POLR2F: variants seen among roughly 807,000 people sequenced by gnomAD.
POLR2F encodes DNA-directed RNA polymerases I, II, and III subunit RPABC2.
Under a neutral mutation model 22.7 loss-of-function variants are expected in POLR2F, and 12 were observed. That is an observed-to-expected ratio of 0.53 (90% CI 0.34 to 0.86). The LOEUF is 0.86. Among genes scored for constraint, POLR2F ranks in the 40% least tolerant of loss-of-function variants. POLR2F has a pLI of 0.02. For synonymous variants in POLR2F, 57 were observed against 66.0 expected, an observed-to-expected ratio of 0.86 and a Z score of 0.66; for missense variants, 126 against 171.5, an observed-to-expected ratio of 0.73 and a Z score of 1.48.
Position 37,969,033 on chromosome 22 carries a change from T to C in POLR2F, c.*1318T>C, listed in dbSNP as rs540151969. On this transcript the variant is annotated 3_prime_UTR_variant, in exon 5 of 5. Coordinates refer to ENST00000442738, the MANE Select transcript of POLR2F (RefSeq NM_021974.5). ...TGGCATCCAGGCAGCCGCCCCAGAG[T>C]GCGGGGGTCACTTTCTCGGCCCCAT... is the stretch of plus-strand genomic sequence containing the variant. The C allele has an allele frequency of 2.0e-6, 2 of 985,280 alleles. No homozygotes were observed. Among genetic ancestry groups the C allele is most frequent in the South Asian group, 9.4e-5 (2 of 21,276 alleles). The allele number at this position is 985,280 out of a possible 1,614,324, so 61.0% of individuals were successfully genotyped here.
At chr22:38,035,127 ATCTC>A (rs904156593) in intron 5 of POLR2F, among the ~76,000 whole-genome samples, 1 of 150,872 alleles carries the variant, frequency 6.6e-6, no homozygotes, top group Non-Finnish European at 1.5e-5. Context: ...TGCCATAGCC[ATCTC>A]TCTCTCTCCC....
rs541038427 is a variant in POLR2F at position 37,994,157 on chromosome 22, A to G, written c.120+7845A>G. Among the ~76,000 whole-genome samples, 8 of 152,142 alleles carry G rather than the reference A, an allele frequency of 5.3e-5. 1 individual carries two copies. Among genetic ancestry groups the G allele is most frequent in the African/African-American group, 1.9e-4 (8 of 41,500 alleles). On this transcript the variant is annotated intron_variant, in intron 1 of 2. Transcript: ENST00000333418. ...GCCCGGGAAAACCTCTTCCCTTTCT[A>G]GGGTGCAGAGTTGAGCTTACTGAGA... is the stretch of plus-strand genomic sequence containing the variant.
In POLR2F at chr22:37,959,420, A is replaced by G; in HGVS notation, c.165A>G (p.Pro55=). ...CCAACCAGAAGCGAATCACCACACC[A>G]TACATGACCAAGTACGAGCGAGCCC... The part of the protein sequence containing the change: ...PQANQKRITT[P]YMTKYERARV... The change falls in exon 3 of 5, where the codon CCA becomes CCG. Residue 55 remains proline, a synonymous_variant. Transcript: ENST00000442738. 1 of 1,614,114 alleles carries G rather than the reference A, an allele frequency of 6.2e-7. No homozygotes were observed. Among genetic ancestry groups the G allele is most frequent in the South Asian group, 1.1e-5 (1 of 91,082 alleles).
intron 1 of POLR2F, among the ~76,000 whole-genome samples, chr22:37,996,880 C>T (rs2084719412): frequency 6.6e-6 from 1 of 152,192 alleles, no homozygotes; most frequent in South Asian, 2.1e-4. Context: ...GTTTAAATCT[C>T]CGCTGCGATT....
chr22:37,968,257 C>G lies in POLR2F; in HGVS notation c.*542C>G. The G allele has an allele frequency of 1.0e-6, 1 of 985,512 alleles. No homozygotes were observed. Among genetic ancestry groups the G allele is most frequent in the Non-Finnish European group, 1.2e-6 (1 of 829,998 alleles). 61.0% of individuals were successfully genotyped at this position (985,512 alleles called of 1,614,324 possible). Reference sequence around the variant, plus strand: ...GCGTGGGGGTGTGCTGATCTCCCACCCTCCCCAGGCAGAGCCCTGCTGGGC... The same window carrying G: ...GCGTGGGGGTGTGCTGATCTCCCACGCTCCCCAGGCAGAGCCCTGCTGGGC... On this transcript the variant is annotated 3_prime_UTR_variant, in exon 5 of 5. Coordinates refer to ENST00000442738, the MANE Select transcript of POLR2F (RefSeq NM_021974.5).
At chr22:38,041,210 G>A, downstream of POLR2F, 3 of 1,564,964 alleles carry the variant, frequency 1.9e-6, no homozygotes, top group Non-Finnish European at 2.6e-6. Context: ...GGGAAGGGAT[G>A]TGAGGACACG....
In POLR2F at chr22:37,992,344, A is replaced by T. The variant is rs535787263; in HGVS notation, c.120+6032A>T. Among the ~76,000 whole-genome samples the T allele has an allele frequency of 2.2e-4, 33 of 152,224 alleles. No homozygotes were observed. In the South Asian group the frequency reaches 6.8e-3, roughly 32 times the overall value. ...CCAGCAGCTTGGGGATCTGCCGCCA[A>T]GGTGGCTGTTGGTTGACCTTGGGTT... is the stretch of plus-strand genomic sequence containing the variant. On this transcript the variant is annotated intron_variant, in intron 1 of 2. Transcript: ENST00000333418.
At chr22:37,977,477 C>T (rs372985551) in intron 4 of POLR2F, among the ~76,000 whole-genome samples, 3 of 151,516 alleles carry the variant, frequency 2.0e-5, no homozygotes, top group African/African-American at 7.3e-5. Context: ...CTCGCCACCA[C>T]GCCCAGCTAA....
At chr22:37,977,780 A>G (rs533842170) in intron 4 of POLR2F, 2 of 1,414,682 alleles carry the variant, frequency 1.4e-6, no homozygotes, top group Non-Finnish European at 9.7e-7. Flanking sequence ...CGCTCTCCCT[A>G]GAGTCCAGGG....
At position 38,016,164 on chromosome 22, in the gene POLR2F, C is replaced by A. The variant is rs1472769136; in HGVS notation, c.121-9705C>A. On this transcript the variant is annotated intron_variant, in intron 1 of 2. Transcript: ENST00000333418. This position sits in a 1 kb window ranked among gnomAD's most constrained non-coding sequence, Gnocchi z 4.4. ...CGTCTGGCCAGGGACTCAGCACCCA[C>A]TGGGGCATCAGCGAATCTGTTTTGC... Among the ~76,000 whole-genome samples the A allele has an allele frequency of 6.6e-6, 1 of 152,226 alleles. No homozygotes were observed. The highest frequency in any genetic ancestry group is 1.5e-5 in the Non-Finnish European group (1 of 68,034).
At chr22:37,998,285 G>A (rs1450862180) in intron 1 of POLR2F, among the ~76,000 whole-genome samples, 2 of 152,268 alleles carry the variant, frequency 1.3e-5, no homozygotes, top group Non-Finnish European at 2.9e-5. Context: ...TGCCCTGACA[G>A]GTGGTGTCCT....
chr22:38,023,387 C>T (rs1222529526), intron 1 of POLR2F, among the ~76,000 whole-genome samples: 1 of 152,002 alleles, frequency 6.6e-6, no homozygotes, highest in Non-Finnish European at 1.5e-5. Context: ...TTCTTAAAAT[C>T]TATGAAAAGG....
At chr22:37,967,370 G>A (rs1931897296) in intron 4 of POLR2F, 200 bp downstream of exon 4, 6 of 1,446,610 alleles carry the variant, frequency 4.1e-6, no homozygotes, top group Non-Finnish European at 5.4e-6. Context: ...ATGAGACATG[G>A]ACGTCTTCTG....
chr22:38,015,102 G>A (rs1487319424), intron 1 of POLR2F, among the ~76,000 whole-genome samples: 2 of 152,136 alleles, frequency 1.3e-5, no homozygotes, highest in Non-Finnish European at 2.9e-5. Context: ...CACCGCACCC[G>A]GCCTCTGGCT....
downstream of POLR2F, chr22:37,973,311 G>A: frequency 1.8e-6 from 1 of 570,602 alleles, no homozygotes; most frequent in Non-Finnish European, 3.1e-6. Flanking sequence ...CTTTGCTGCT[G>A]GAGCCTGGAT....
At chr22:38,034,281 C>G (rs1299200595) in intron 5 of POLR2F, 2 of 166,280 alleles carry the variant, frequency 1.2e-5, no homozygotes, top group African/African-American at 4.8e-5. Flanking sequence ...GGGCCACAGC[C>G]TCTTCCCTTC....
intron 1 of POLR2F, among the ~76,000 whole-genome samples, chr22:37,999,200 T>A (rs1375971160): frequency 6.6e-6 from 1 of 152,106 alleles, no homozygotes; most frequent in East Asian, 1.9e-4. Flanking sequence ...CTGGGGATGG[T>A]GCTGTGGAGT....
At chr22:37,956,963 C>T in intron 2 of POLR2F, 121 bp downstream of exon 2, 2 of 794,056 alleles carry the variant, frequency 2.5e-6, no homozygotes, top group Non-Finnish European at 4.4e-6. Flanking sequence ...CATAAGCATT[C>T]CCAGTTAGAG....
rs5756866 is a variant in POLR2F at position 37,968,332 on chromosome 22, T to C, written c.*617T>C. On this transcript the variant is annotated 3_prime_UTR_variant, in exon 5 of 5. Coordinates refer to ENST00000442738, the MANE Select transcript of POLR2F (RefSeq NM_021974.5). ...GAGCACCTGCCTACCCCTGCCCCCATGGCTCTGTCCCCACTCCTCCTCAGG... is the reference window on the plus strand; with the variant it reads ...GAGCACCTGCCTACCCCTGCCCCCACGGCTCTGTCCCCACTCCTCCTCAGG... 0.37 allele frequency: 367,839 copies of C among 985,442 alleles called. 69,642 individuals carry two copies. Among genetic ancestry groups the C allele is most frequent in the African/African-American group, 0.47 (26,658 of 57,286 alleles). 61.0% of individuals were successfully genotyped at this position (985,442 alleles called of 1,614,324 possible). A position where few individuals can be genotyped will look rare whatever the true frequency, so the allele number is the denominator to read the frequency against.
Sources: allele counts gnomAD v4.1 joint callset (sites outside exome capture counted in the v4.1 genomes callset), GRCh38; gene constraint gnomAD v4.1.1; non-coding constraint Gnocchi (gnomAD v3.1); transcripts MANE v1.5; gene names NCBI Gene and HGNC (gene_info 2026-07-23, HGNC 2026-07-21).